UBTD1: variants seen among roughly 807,000 people sequenced by gnomAD.
The protein encoded by UBTD1 is ubiquitin domain containing 1, also known as ubiquitin domain-containing protein 1.
A neutral mutation model predicts 21.7 loss-of-function variants in UBTD1; 19 were observed. The ratio of observed to expected loss-of-function variants is 0.87; its 90% CI spans 0.61 to 1.28. The LOEUF is 1.28. Ranked by LOEUF, UBTD1 falls within the 50% of genes most tolerant of loss-of-function variation. The pLI is 0.00. For missense variants in UBTD1, 282 were observed against 315.1 expected (o/e 0.89, Z 0.80); for synonymous variants, 116 against 135.1 (o/e 0.86, Z 0.98).
chr10:97,517,259 G>A (rs561003378), intron 1 of UBTD1, among the ~76,000 whole-genome samples: 3 of 152,284 alleles, frequency 2.0e-5, no homozygotes, highest in Admixed American at 6.5e-5. Flanking sequence ...GCACAACTGG[G>A]GCTTGAGGAA....
At chr10:97,561,144 G>A (rs531466432) in intron 1 of UBTD1, among the ~76,000 whole-genome samples, 120 of 152,218 alleles carry the variant, frequency 7.9e-4, no homozygotes, top group African/African-American at 2.7e-3. Context: ...GGCCTGCTAC[G>A]TGCTGCTCTG....
intron 1 of UBTD1, among the ~76,000 whole-genome samples, chr10:97,564,252 G>A (rs2040707284): frequency 6.6e-6 from 1 of 152,164 alleles, no homozygotes; most frequent in Non-Finnish European, 1.5e-5. Flanking sequence ...TAGAGGGCTG[G>A]TGTCTGGGAC....
chr10:97,556,314 G>T (rs1016207799), intron 1 of UBTD1, among the ~76,000 whole-genome samples: 1 of 139,392 alleles, frequency 7.2e-6, no homozygotes, highest in Non-Finnish European at 1.6e-5. Context: ...GATCATCTAT[G>T]TGTAGACAAC....
intron 1 of UBTD1, among the ~76,000 whole-genome samples, chr10:97,553,575 G>A (rs886508115): frequency 5.9e-5 from 9 of 152,212 alleles, no homozygotes; most frequent in African/African-American, 2.2e-4. Context: ...GTTTGGGCAT[G>A]TCTCCTATAC....
chr10:97,529,024 C>T lies in UBTD1; in HGVS notation c.70+29751C>T, dbSNP rs570311357. 3.7e-4 allele frequency among the ~76,000 whole-genome samples: 56 copies of T among 151,372 alleles called. No homozygotes were observed. In the South Asian group the frequency reaches 0.011, roughly 30 times the overall value. On this transcript the variant is annotated intron_variant, in intron 1 of 2. Coordinates refer to ENST00000370664, the MANE Select transcript of UBTD1 (RefSeq NM_024954.5). ...CTTCCCAGACGGGGTGGCAGCCGGGCGGAGGGTCTCCTCACTTCTCAGACA... is the reference window on the plus strand; with the variant it reads ...CTTCCCAGACGGGGTGGCAGCCGGGTGGAGGGTCTCCTCACTTCTCAGACA...
At chr10:97,531,692 C>G (rs535883657) in intron 1 of UBTD1, among the ~76,000 whole-genome samples, 1 of 152,170 alleles carries the variant, frequency 6.6e-6, no homozygotes, top group African/African-American at 2.4e-5. Flanking sequence ...TTCTAGGTAT[C>G]GGGTCCATTC....
At chr10:97,533,069 C>T (rs2040540786) in intron 1 of UBTD1, among the ~76,000 whole-genome samples, 1 of 152,168 alleles carries the variant, frequency 6.6e-6, no homozygotes, top group Admixed American at 6.5e-5. Context: ...TGGTGTTTCC[C>T]TGGGTCACCA....
chr10:97,533,454 TATATTCTACGCC>T (rs1202608412), intron 1 of UBTD1, among the ~76,000 whole-genome samples: 4 of 152,194 alleles, frequency 2.6e-5, no homozygotes, highest in Non-Finnish European at 5.9e-5. Context: ...GAAGGCCGCC[TATATTCTACGCC>T]ATAGCGGGTG....
intron 1 of UBTD1, among the ~76,000 whole-genome samples, chr10:97,562,365 C>T (rs1037295909): frequency 1.3e-5 from 2 of 152,166 alleles, no homozygotes; most frequent in Non-Finnish European, 1.5e-5. Context: ...TTTTTAATCA[C>T]CTGGGTGCAG....
intron 1 of UBTD1, among the ~76,000 whole-genome samples, chr10:97,560,117 C>T (rs1020761207): frequency 4.6e-5 from 7 of 151,980 alleles, no homozygotes; most frequent in African/African-American, 1.7e-4. Flanking sequence ...AACTTTTTGA[C>T]TTGTTACAAA....
At chr10:97,519,777 G>A (rs1442399677) in intron 1 of UBTD1, among the ~76,000 whole-genome samples, 1 of 152,182 alleles carries the variant, frequency 6.6e-6, no homozygotes, top group Non-Finnish European at 1.5e-5. Context: ...GGTGTATATG[G>A]GAAGCCTGTA....
At chr10:97,514,520 G>A (rs1486856506) in intron 1 of UBTD1, among the ~76,000 whole-genome samples, 1 of 152,168 alleles carries the variant, frequency 6.6e-6, no homozygotes, top group Admixed American at 6.5e-5. Context: ...TATATATAGC[G>A]GAGGACTAGC....
At chr10:97,561,967 C>A (rs1448368212) in intron 1 of UBTD1, among the ~76,000 whole-genome samples, 2 of 152,150 alleles carry the variant, frequency 1.3e-5, no homozygotes, top group African/African-American at 4.8e-5. Context: ...GTCCTCCAAC[C>A]AGTTGAACGG....
chr10:97,513,522 C>T (rs1451245870), intron 1 of UBTD1, among the ~76,000 whole-genome samples: 1 of 152,034 alleles, frequency 6.6e-6, no homozygotes, highest in Admixed American at 6.6e-5. Flanking sequence ...AGTAAGTGGG[C>T]ATAGTTTGTA....
At chr10:97,499,331 C>G in intron 1 of UBTD1, 58 bp downstream of exon 1, 1 of 1,527,486 alleles carries the variant, frequency 6.5e-7, no homozygotes, top group South Asian at 1.2e-5. Context: ...CCCCTCCTCG[C>G]CCGAGTCCTG....
chr10:97,526,503 T>C (rs2040489137), intron 1 of UBTD1, among the ~76,000 whole-genome samples: 1 of 152,190 alleles, frequency 6.6e-6, no homozygotes, highest in Non-Finnish European at 1.5e-5. Context: ...TCCAGGCCCC[T>C]GTTTTTTCGC....
intron 1 of UBTD1, among the ~76,000 whole-genome samples, chr10:97,536,342 G>A (rs994010554): frequency 5.3e-5 from 8 of 152,082 alleles, no homozygotes; most frequent in East Asian, 1.9e-4. Flanking sequence ...CAAGGTCTTC[G>A]TCATGACACA....
intron 1 of UBTD1, among the ~76,000 whole-genome samples, chr10:97,502,581 G>A (rs555548593): frequency 6.6e-6 from 1 of 152,250 alleles, no homozygotes; most frequent in South Asian, 2.1e-4. Context: ...TCAGAAAGGG[G>A]GAGGGTTATA....
intron 1 of UBTD1, among the ~76,000 whole-genome samples, chr10:97,550,325 G>A (rs1024075369): frequency 2.0e-5 from 3 of 152,182 alleles, no homozygotes; most frequent in African/African-American, 7.2e-5. Context: ...CCTGGCTTGG[G>A]TGGCCTGACT....
Sources: gnomAD v4.1 joint callset for allele counts (sites outside exome capture counted in the v4.1 genomes callset) on GRCh38, gnomAD v4.1.1 for gene constraint, MANE v1.5 for transcripts, NCBI Gene and HGNC (gene_info 2026-07-23, HGNC 2026-07-21) for gene names.